The following ASXL3 variants were observed in gnomAD, a reference collection of about 807,000 sequenced individuals.
ASXL3 encodes ASXL transcriptional regulator 3.
A neutral mutation model predicts 170.6 loss-of-function variants in ASXL3; 34 were observed. The observed-to-expected ratio is 0.20, with a 90% CI of 0.15 to 0.27. The LOEUF (loss-of-function observed/expected upper bound fraction) is 0.27, where lower values mean the gene tolerates loss of function less well. ASXL3 is among the 10% of genes least tolerant of loss of function. The pLI is 1.00. For synonymous variants in ASXL3, 1,002 were observed against 989.1 expected, an observed-to-expected ratio of 1.01 and a Z score of -0.24; for missense variants, 2,592 against 2,695.3, an observed-to-expected ratio of 0.96 and a Z score of 0.85.
Position 33,745,905 on chromosome 18 carries a change from G to T in ASXL3, c.6057G>T (p.Pro2019=). ...MPNKALVHPP[P]PPPPPPPPPL... is the part of the protein sequence containing the mutation. ...ACAAAGCACTAGTACATCCGCCGCC[G>T]CCACCGCCTCCCCCTCCCCCTCCAC... is the stretch of plus-strand genomic sequence containing the variant. Residue 2019 remains proline (P), a synonymous_variant, in exon 12 of 12, where the codon CCG becomes CCT. Transcript: ENST00000269197. The T allele has an allele frequency of 6.2e-7, 1 of 1,606,720 alleles. No homozygotes were observed.
intron 2 of ASXL3, among the ~76,000 whole-genome samples, chr18:33,618,720 A>C (rs896742010): frequency 6.6e-6 from 1 of 152,094 alleles, no homozygotes; most frequent in Admixed American, 6.6e-5. Context: ...GTGTTATTTA[A>C]TGAGGTCTTT....
At chr18:33,583,200 T>C (rs2065007737) in intron 1 of ASXL3, among the ~76,000 whole-genome samples, 2 of 152,164 alleles carry the variant, frequency 1.3e-5, no homozygotes, top group Non-Finnish European at 2.9e-5. Flanking sequence ...GTACTGCCTT[T>C]GACATTTTCT....
At position 33,644,912 on chromosome 18, in the gene ASXL3, C is replaced by T. The variant is rs368299335; in HGVS notation, c.156C>T (p.Ala52=). The T allele has an allele frequency of 8.9e-6, 14 of 1,575,530 alleles. No individual in the cohort carries two copies. In the East Asian group the frequency reaches 2.3e-4, roughly 26 times the overall value. The change falls in exon 3 of 12, where the codon GCC becomes GCT. Residue 52 remains alanine, a synonymous_variant. Coordinates refer to ENST00000269197, the MANE Select transcript of ASXL3 (RefSeq NM_030632.3). The part of the protein sequence containing the change: ...LKETSGTSPL[A]CLNAMLHTNT... ...TTTCTAGTGGAACCTCTCCATTAGC[C>T]TGTCTGAATGCAATGCTTCACACTA...
rs781039611 is a variant in ASXL3 at position 33,738,566 on chromosome 18, G to A, written c.1162G>A (p.Gly388Arg). The change falls in exon 11 of 12, where the codon GGG (glycine) becomes AGG (arginine). Residue 388 changes from glycine (G) to arginine (R), a missense_variant. Physicochemically the swap from Gly to Arg is moderately radical, Grantham distance 125 (BLOSUM62 -2). Around this residue, in one of 4 missense-constraint regions of ASXL3, gnomAD observed 2,246 missense variants for 2,219.6 expected, o/e 1.01. Coordinates refer to ENST00000269197, the MANE Select transcript of ASXL3 (RefSeq NM_030632.3). Reference sequence around the variant, plus strand: ...TGGAGCTCAAAGTAGTTCTTCATGTGGGACTTCTGGCCTTCCAGTTTCTGC... The same window carrying A: ...TGGAGCTCAAAGTAGTTCTTCATGTAGGACTTCTGGCCTTCCAGTTTCTGC... ...NAGAQSSSSCGTSGLPVSAQT... is the reference protein window; with the variant it reads ...NAGAQSSSSCRTSGLPVSAQT... 2 of 1,613,774 alleles carry A rather than the reference G, an allele frequency of 1.2e-6. No individual in the cohort carries two copies. Among genetic ancestry groups the A allele is most frequent in the Non-Finnish European group, 1.7e-6 (2 of 1,179,796 alleles).
intron 11 of ASXL3, 41 bp from the exon 12 acceptor site, chr18:33,742,847 G>A (rs1477554283): frequency 6.5e-7 from 1 of 1,543,090 alleles, no homozygotes; most frequent in South Asian, 1.3e-5. Context: ...CTGTGATCAT[G>A]TATGAAGCAC....
chr18:33,695,445 G>A (rs1389158332), intron 8 of ASXL3, among the ~76,000 whole-genome samples: 5 of 152,046 alleles, frequency 3.3e-5, no homozygotes, highest in African/African-American at 1.2e-4. Context: ...TTTATGGTGG[G>A]TATGGAGGTA....
At chr18:33,728,645 C>G (rs770417653) in intron 8 of ASXL3, among the ~76,000 whole-genome samples, 1 of 152,128 alleles carries the variant, frequency 6.6e-6, no homozygotes, top group Non-Finnish European at 1.5e-5. Flanking sequence ...TCATCCTGAG[C>G]AACTTTAATG....
chr18:33,648,073 G>A (rs2145205529), intron 4 of ASXL3, among the ~76,000 whole-genome samples: 1 of 152,198 alleles, frequency 6.6e-6, no homozygotes, highest in Non-Finnish European at 1.5e-5. Context: ...ACAAAGCCAG[G>A]GAAGTTATGG....
chr18:33,743,392 C>A lies in ASXL3; in HGVS notation c.3544C>A (p.Leu1182Ile). 1 of 1,613,334 alleles carries A rather than the reference C, an allele frequency of 6.2e-7. No homozygotes were observed. The highest frequency in any genetic ancestry group is 8.5e-7 in the Non-Finnish European group (1 of 1,179,854). ...CCACCTCCGGGAGACCACCACTGTA[C>A]TACAGCAGTCTCTTAACCCAAGTAA... is the stretch of plus-strand genomic sequence containing the variant. ...SAHLRETTTV[L>I]QQSLNPSKLP... Residue 1182 changes from leucine to isoleucine, a missense_variant, in exon 12 of 12, where the codon CTA (leucine) becomes ATA (isoleucine). Physicochemically the swap from Leu to Ile is conservative, Grantham distance 5 (BLOSUM62 2). Around this residue, in one of 4 missense-constraint regions of ASXL3, gnomAD observed 2,246 missense variants for 2,219.6 expected, o/e 1.01. Coordinates refer to ENST00000269197, the MANE Select transcript of ASXL3 (RefSeq NM_030632.3).
At chr18:33,666,223 G>A (rs1192636921) in intron 5 of ASXL3, among the ~76,000 whole-genome samples, 5 of 152,124 alleles carry the variant, frequency 3.3e-5, no homozygotes, top group African/African-American at 1.2e-4. Flanking sequence ...CTACAAGATA[G>A]TCCATTAGCA....
At chr18:33,715,523 A>T (rs984849347) in intron 8 of ASXL3, among the ~76,000 whole-genome samples, 2 of 152,198 alleles carry the variant, frequency 1.3e-5, no homozygotes, top group African/African-American at 4.8e-5. Context: ...AACTGGAAGG[A>T]AGGGTGATTT....
Position 33,744,659 on chromosome 18 carries a change from G to C in ASXL3, c.4811G>C (p.Ser1604Thr). ...DTTCSNQYNP[S>T]NRICWNDDGM... is the part of the protein sequence containing the mutation. Reference sequence around the variant, plus strand: ...ACCTGTAGCAATCAGTATAACCCAAGTAACCGGATTTGCTGGAATGATGAT... The same window carrying C: ...ACCTGTAGCAATCAGTATAACCCAACTAACCGGATTTGCTGGAATGATGAT... Residue 1604 changes from serine to threonine, a missense_variant, in exon 12 of 12, where the codon AGT (serine) becomes ACT (threonine). By Grantham distance (58) the Ser-to-Thr change is moderately conservative. Transcript: ENST00000269197. The C allele has an allele frequency of 6.2e-7, 1 of 1,607,820 alleles. No homozygotes were observed. The highest frequency in any genetic ancestry group is 8.5e-7 in the Non-Finnish European group (1 of 1,176,582).
In ASXL3 at chr18:33,746,344, A is replaced by G. The variant is rs1357436151; in HGVS notation, c.6496A>G (p.Arg2166Gly). The G allele has an allele frequency of 1.9e-6, 3 of 1,613,998 alleles. No homozygotes were observed. The highest frequency in any genetic ancestry group is 3.3e-5 in the Admixed American group (2 of 60,024). The change falls in exon 12 of 12, where the codon AGG becomes GGG. Residue 2166 changes from arginine (R) to glycine (G), a missense_variant. Around this residue, in one of 4 missense-constraint regions of ASXL3, gnomAD observed 2,246 missense variants for 2,219.6 expected, o/e 1.01. Coordinates refer to ENST00000269197, the MANE Select transcript of ASXL3 (RefSeq NM_030632.3). Reference sequence around the variant, plus strand: ...ACACTTTGGTAGCACGAGTTTCAAAAGGGCAGCATCTGCAATTGAAAAGTC... The same window carrying G: ...ACACTTTGGTAGCACGAGTTTCAAAGGGGCAGCATCTGCAATTGAAAAGTC... ...TIHFGSTSFK[R>G]AASAIEKSIG...
chr18:33,733,321 C>G (rs191740715), intron 9 of ASXL3, among the ~76,000 whole-genome samples: 5 of 152,292 alleles, frequency 3.3e-5, no homozygotes, highest in African/African-American at 1.2e-4. Context: ...TCTTCCCTCT[C>G]AACTCCTTCT....
chr18:33,633,235 T>A (rs757070438), intron 2 of ASXL3, among the ~76,000 whole-genome samples: 4 of 152,212 alleles, frequency 2.6e-5, no homozygotes, highest in Non-Finnish European at 4.4e-5. Flanking sequence ...TACAATCTTT[T>A]TATTTATTGT....
At chr18:33,585,384 A>G (rs1568263324) in intron 1 of ASXL3, among the ~76,000 whole-genome samples, 2 of 152,140 alleles carry the variant, frequency 1.3e-5, no homozygotes, top group Admixed American at 6.5e-5. Context: ...AAATAGAAAC[A>G]TTATATGATT....
intron 10 of ASXL3, among the ~76,000 whole-genome samples, chr18:33,737,127 G>A (rs765846914): frequency 2.6e-5 from 4 of 152,064 alleles, no homozygotes; most frequent in African/African-American, 4.8e-5. Context: ...TTGTAGCTTA[G>A]TTTGAATTCA....
At chr18:33,716,551 T>C (rs1446424479) in intron 8 of ASXL3, among the ~76,000 whole-genome samples, 4 of 152,156 alleles carry the variant, frequency 2.6e-5, no homozygotes, top group Non-Finnish European at 4.4e-5. Context: ...CTATTACTAA[T>C]GAAATAGGAG....
At chr18:33,711,135 G>A (rs1276406973) in intron 8 of ASXL3, among the ~76,000 whole-genome samples, 8 of 152,082 alleles carry the variant, frequency 5.3e-5, no homozygotes, top group Admixed American at 4.6e-4. Context: ...GGTTATTCTT[G>A]CATTGATTTC....
Sources: gnomAD v4.1 joint callset for allele counts (sites outside exome capture counted in the v4.1 genomes callset) on GRCh38, gnomAD v4.1.1 for gene constraint, gnomAD v4.1.1 regional missense constraint, MANE v1.5 for transcripts, NCBI Gene and HGNC (gene_info 2026-07-23, HGNC 2026-07-21) for gene names.